The following VEGFA variants were observed in gnomAD, a reference collection of about 807,000 sequenced individuals.
The protein encoded by VEGFA is vascular endothelial growth factor A, long form.
VEGFA carries 20 observed loss-of-function variants against 49.7 expected under a neutral mutation model. The observed-to-expected ratio is 0.40, with a 90% CI of 0.28 to 0.58. The LOEUF (loss-of-function observed/expected upper bound fraction) is 0.58. VEGFA is among the 20% of genes least tolerant of loss of function. VEGFA has a pLI of 0.40. For synonymous variants in VEGFA, 219 were observed against 223.4 expected, an observed-to-expected ratio of 0.98 and a Z score of 0.18; for missense variants, 505 against 553.5, an observed-to-expected ratio of 0.91 and a Z score of 0.88.
rs1766373546 is a variant in VEGFA at position 43,778,926 on chromosome 6, G to A, written c.962+8G>A. ...TAGAGCAAGACAAGAAAAGTAAGTG[G>A]CCCTGACTTTAGCACTTCTCCCTCT... On this transcript the variant is annotated splice_region_variant and intron_variant, in intron 5 of 7. Coordinates refer to ENST00000672860, the MANE Select transcript of VEGFA (RefSeq NM_003376.6). 6.2e-7 allele frequency: 1 copy of A among 1,614,036 alleles called. No homozygotes were observed.
chr6:43,774,041 G>A (rs1764481389), intron 1 of VEGFA: 1 of 513,472 alleles, frequency 1.9e-6, no homozygotes, highest in African/African-American at 1.9e-5. Context: ...TGTGGGGAAG[G>A]TACAGGGGAC....
intron 5 of VEGFA, chr6:43,780,067 A>C: frequency 4.6e-6 from 1 of 215,324 alleles, no homozygotes. Context: ...CTCCCACCCC[A>C]TCCTGCTGCC....
Position 43,777,710 on chromosome 6 carries a change from G to T in VEGFA, c.855+45G>T, listed in dbSNP as rs774084096. The T allele has an allele frequency of 3.0e-6, 2 of 672,380 alleles. No individual in the cohort carries two copies. The highest frequency in any genetic ancestry group is 1.4e-5 in the South Asian group (1 of 71,482). The allele number at this position is 672,380 out of a possible 1,614,324, so 41.7% of individuals were successfully genotyped here. A position where few individuals can be genotyped will look rare whatever the true frequency, so the allele number is the denominator to read the frequency against. On this transcript the variant is annotated intron_variant, in intron 3 of 7. Transcript: ENST00000672860. The surrounding 1 kb of genome is among the most constrained non-coding windows in gnomAD (Gnocchi z 4.3). ...GGGGCAAGGGGGGGATAGGGAGGGGGGTAACACTTTGGGAACAGGTGGTCC... is the reference window on the plus strand; with the variant it reads ...GGGGCAAGGGGGGGATAGGGAGGGGTGTAACACTTTGGGAACAGGTGGTCC...
Position 43,770,533 on chromosome 6 carries a change from G to A in VEGFA, c.-174G>A. 4 of 1,296,364 alleles carry A rather than the reference G, an allele frequency of 3.1e-6. No homozygotes were observed. The highest frequency in any genetic ancestry group is 3.9e-6 in the Non-Finnish European group (4 of 1,021,262). 80.3% of individuals were successfully genotyped at this position (1,296,364 alleles called of 1,614,324 possible). A position where few individuals can be genotyped will look rare whatever the true frequency, so the allele number is the denominator to read the frequency against. On this transcript the variant is annotated 5_prime_UTR_variant, in exon 1 of 8. Transcript: ENST00000672860. ...TGGAAACCAGCAGAAAGAGGAAAGA[G>A]GTAGCAAGAGCTCCAGAGAGAAGTC...
intron 4 of VEGFA, 137 bp downstream of exon 4, chr6:43,778,673 C>A: frequency 1.9e-6 from 2 of 1,068,954 alleles, no homozygotes; most frequent in Non-Finnish European, 2.8e-6. Flanking sequence ...CTTCAATGTG[C>A]CTCAGTTTCT....
At chr6:43,784,447 C>A in intron 7 of VEGFA, 94 bp from the exon 8 acceptor site, 1 of 1,268,264 alleles carries the variant, frequency 7.9e-7, no homozygotes, top group Non-Finnish European at 1.2e-6. Flanking sequence ...GCTGCAGTGA[C>A]CCAGGGGCCC....
rs1412348943 is a variant in VEGFA, at chr6:43,771,192, C to T, written c.486C>T (p.Ser162=). ...CCGAGGAGAGCGGGCCGCCCCACAG[C>T]CCGAGCCGGAGAGGGAGCGCGAGCC... Residue 162 remains serine (S), a synonymous_variant, in exon 1 of 8, where the codon AGC becomes AGT. Coordinates refer to ENST00000672860, the MANE Select transcript of VEGFA (RefSeq NM_003376.6). 6.3e-7 allele frequency: 1 copy of T among 1,596,926 alleles called. No homozygotes were observed. Among genetic ancestry groups the T allele is most frequent in the African/African-American group, 1.4e-5 (1 of 73,020 alleles).
Position 43,785,912 on chromosome 6 carries a change from C to T in VEGFA, c.*1350C>T, listed in dbSNP as rs1487833118. On this transcript the variant is annotated 3_prime_UTR_variant, in exon 8 of 8. Transcript: ENST00000672860. ...AACTATTTATGAGATGTATCTTTTG[C>T]TCTCTCTTGCTCTCTTATTTGTACC... is the stretch of plus-strand genomic sequence containing the variant. 5.5e-6 allele frequency: 1 copy of T among 180,408 alleles called. No individual in the cohort carries two copies. Among genetic ancestry groups the T allele is most frequent in the Non-Finnish European group, 1.2e-5 (1 of 85,216 alleles). The allele number at this position is 180,408 out of a possible 1,614,324, so 11.2% of individuals were successfully genotyped here.
chr6:43,786,252 A>G lies in VEGFA; in HGVS notation c.*1690A>G, dbSNP rs990322138. 2 of 179,286 alleles carry G rather than the reference A, an allele frequency of 1.1e-5. No individual in the cohort carries two copies. Among genetic ancestry groups the G allele is most frequent in the Admixed American group, 6.3e-5 (1 of 15,858 alleles). 11.1% of individuals were successfully genotyped at this position (179,286 alleles called of 1,614,324 possible). The stretch of plus-strand genomic sequence containing the variant: ...AACAAGAAAAAATAGAGAATTCTAC[A>G]TACTAAATCTCTCTCCTTTTTTAAT... On this transcript the variant is annotated 3_prime_UTR_variant, in exon 8 of 8. Transcript: ENST00000672860.
intron 1 of VEGFA, chr6:43,772,198 C>T: frequency 2.5e-6 from 1 of 392,288 alleles, no homozygotes; most frequent in Non-Finnish European, 3.5e-6. Flanking sequence ...TTCCTGACGC[C>T]CCTTCTCTTC....
chr6:43,777,884 T>C lies in VEGFA; in HGVS notation c.855+219T>C. ...GCCCCAACCATCTCCTTCTCCCTGA[T>C]GGTTGCCCATGGGCTCAGGAGGGGA... On this transcript the variant is annotated intron_variant, in intron 3 of 7. Transcript: ENST00000672860. The surrounding 1 kb of genome is among the most constrained non-coding windows in gnomAD (Gnocchi z 4.3). 1.7e-6 allele frequency: 1 copy of C among 597,886 alleles called. No individual in the cohort carries two copies. The highest frequency in any genetic ancestry group is 3.0e-6 in the Non-Finnish European group (1 of 337,386). 37.0% of individuals were successfully genotyped at this position (597,886 alleles called of 1,614,324 possible).
chr6:43,785,851 GT>G lies in VEGFA; in HGVS notation c.*1297del, dbSNP rs540841861. 126 of 185,714 alleles carry G rather than the reference GT, an allele frequency of 6.8e-4. No homozygotes were observed. The highest frequency in any genetic ancestry group is 1.2e-3 in the Non-Finnish European group (102 of 88,422). The allele number at this position is 185,714 out of a possible 1,614,324, so 11.5% of individuals were successfully genotyped here. On this transcript the variant is annotated 3_prime_UTR_variant, in exon 8 of 8. Coordinates refer to ENST00000672860, the MANE Select transcript of VEGFA (RefSeq NM_003376.6). ...ACAGTTAATTTAATTAAAGAGTAGG[GT>G]TTTTTTTCAGTATTCTTGGTTAATA...
chr6:43,782,130 C>T (rs771470423), intron 7 of VEGFA, 43 bp downstream of exon 7: 6 of 1,609,748 alleles, frequency 3.7e-6, no homozygotes, highest in Non-Finnish European at 5.1e-6. Context: ...GGGCATCACA[C>T]AGAGATGGGG....
At position 43,777,699 on chromosome 6, in the gene VEGFA, ATAGGGAGGGGGGT is replaced by A; in HGVS notation, c.855+35_855+47del. On this transcript the variant is annotated intron_variant, in intron 3 of 7. Transcript: ENST00000672860. The surrounding 1 kb of genome is among the most constrained non-coding windows in gnomAD (Gnocchi z 4.3). Reference sequence around the variant, plus strand: ...CTTTGGGAAGTGGGGCAAGGGGGGGATAGGGAGGGGGGTAACACTTTGGGAACAGGTGGTCCCA... The same window carrying A: ...CTTTGGGAAGTGGGGCAAGGGGGGGAAACACTTTGGGAACAGGTGGTCCCA... The A allele has an allele frequency of 2.8e-6, 2 of 720,840 alleles. No individual in the cohort carries two copies. The highest frequency in any genetic ancestry group is 4.7e-6 in the Non-Finnish European group (2 of 429,306). 44.7% of individuals were successfully genotyped at this position (720,840 alleles called of 1,614,324 possible).
At chr6:43,782,438 T>G (rs1433748823) in intron 7 of VEGFA, 5 of 359,134 alleles carry the variant, frequency 1.4e-5, no homozygotes, top group Non-Finnish European at 2.7e-5. Flanking sequence ...TTACTACCTC[T>G]GGTAGTAATG....
chr6:43,780,854 A>C (rs1205123562), intron 6 of VEGFA, 51 bp downstream of exon 6: 2 of 1,613,502 alleles, frequency 1.2e-6, no homozygotes, highest in Middle Eastern at 1.8e-4. Flanking sequence ...CCTGGCCCCC[A>C]GTACAACCTC....
chr6:43,781,568 C>G lies in VEGFA; in HGVS notation c.1035-388C>G, dbSNP rs531261137. 3.5e-5 allele frequency: 12 copies of G among 345,634 alleles called. 1 individual carries two copies. Among genetic ancestry groups the G allele is most frequent in the African/African-American group, 2.6e-4 (12 of 46,790 alleles). The allele number at this position is 345,634 out of a possible 1,614,324, so 21.4% of individuals were successfully genotyped here. ...GAAGGGCCTGGACATGAGCCTTGCA[C>G]GGGGAGAAGGTGGCCCCTGATTGCC... is the stretch of plus-strand genomic sequence containing the variant. On this transcript the variant is annotated intron_variant, in intron 6 of 7. Transcript: ENST00000672860.
At chr6:43,774,157 AGGAGTGG>A (rs1483269060) in intron 1 of VEGFA, 177 bp from the exon 2 acceptor site, 1 of 673,040 alleles carries the variant, frequency 1.5e-6, no homozygotes, top group Non-Finnish European at 2.7e-6. Flanking sequence ...ATAGCAGTCC[AGGAGTGG>A]TGGGCATATT....
chr6:43,772,197 C>T (rs1055160237), intron 1 of VEGFA: 4 of 410,424 alleles, frequency 9.7e-6, no homozygotes, highest in Non-Finnish European at 1.3e-5. Context: ...TTTCCTGACG[C>T]CCCTTCTCTT....
Sources: allele counts gnomAD v4.1 joint callset, GRCh38; gene constraint gnomAD v4.1.1; non-coding constraint Gnocchi (gnomAD v3.1); transcripts MANE v1.5; gene names NCBI Gene and HGNC (gene_info 2026-07-23, HGNC 2026-07-21).